The following DOCK4 variants were observed in gnomAD, a reference collection of about 807,000 sequenced individuals.
DOCK4 encodes dedicator of cytokinesis 4.
A neutral mutation model predicts 268.1 loss-of-function variants in DOCK4; 97 were observed. That is an observed-to-expected ratio of 0.36 (90% CI 0.31 to 0.43). The LOEUF (loss-of-function observed/expected upper bound fraction) is 0.43. Ranked by LOEUF, DOCK4 falls within the 20% of genes least tolerant of loss-of-function variation. The probability of loss-of-function intolerance (pLI) is 1.00; values close to 1 mark genes in which losing one functional copy is unlikely to be tolerated. For missense variants in DOCK4, 2,145 were observed against 2,455.7 expected, an observed-to-expected ratio of 0.87 and a Z score of 2.67; for synonymous variants, 954 against 887.2, an observed-to-expected ratio of 1.08 and a Z score of -1.34.
intron 16 of DOCK4, among the ~76,000 whole-genome samples, chr7:111,894,803 C>G (rs146505549): frequency 5.9e-5 from 9 of 152,248 alleles, no homozygotes; most frequent in African/African-American, 2.2e-4. Context: ...ATTCTCTCAG[C>G]AAGAAGCTTT....
intron 13 of DOCK4, among the ~76,000 whole-genome samples, chr7:111,909,963 A>AAAAAAAG (rs1261816874): frequency 1.3e-5 from 2 of 151,814 alleles, no homozygotes; most frequent in Admixed American, 1.3e-4. Flanking sequence ...CCCTGTTTAA[A>AAAAAAAG]AAAAAAGAAA....
chr7:112,048,568 A>G (rs557530316), intron 1 of DOCK4, among the ~76,000 whole-genome samples: 1 of 147,920 alleles, frequency 6.8e-6, no homozygotes, highest in African/African-American at 2.5e-5. Context: ...ATCTCAAAAA[A>G]ACAAAAAAAA....
At chr7:112,070,335 A>T (rs1807473193) in intron 1 of DOCK4, among the ~76,000 whole-genome samples, 1 of 152,226 alleles carries the variant, frequency 6.6e-6, no homozygotes, top group African/African-American at 2.4e-5. Flanking sequence ...TTAAGCAAGC[A>T]CATGAATGAT....
At chr7:112,066,994 A>G (rs1807130272) in intron 1 of DOCK4, among the ~76,000 whole-genome samples, 1 of 149,736 alleles carries the variant, frequency 6.7e-6, no homozygotes, top group African/African-American at 2.5e-5. Flanking sequence ...ACACACACAC[A>G]CAAAAAAACC....
intron 45 of DOCK4, 33 bp from the exon 46 acceptor site, chr7:111,741,694 A>G: frequency 6.2e-7 from 1 of 1,605,222 alleles, no homozygotes; most frequent in Non-Finnish European, 8.5e-7. Context: ...ATCTCATTAC[A>G]GTAATGATTT....
At chr7:111,909,584 A>T (rs575540622) in intron 13 of DOCK4, among the ~76,000 whole-genome samples, 2 of 152,264 alleles carry the variant, frequency 1.3e-5, no homozygotes, top group African/African-American at 4.8e-5. Context: ...AATAATACTT[A>T]TAAAATAAAC....
intron 8 of DOCK4, among the ~76,000 whole-genome samples, chr7:111,960,453 C>T (rs763951038): frequency 4.7e-5 from 7 of 147,698 alleles, no homozygotes; most frequent in East Asian, 2.0e-4. Flanking sequence ...TTTTGAAATA[C>T]GTATACATTG....
At chr7:112,119,849 CTT>C (rs573846927) in intron 1 of DOCK4, among the ~76,000 whole-genome samples, 3 of 142,254 alleles carry the variant, frequency 2.1e-5, no homozygotes, top group Non-Finnish European at 1.5e-5. Flanking sequence ...GGGTAGATGG[CTT>C]TTTTTTTTTT....
intron 16 of DOCK4, among the ~76,000 whole-genome samples, chr7:111,884,737 T>C (rs1182468422): frequency 6.6e-6 from 1 of 151,966 alleles, no homozygotes; most frequent in Non-Finnish European, 1.5e-5. Flanking sequence ...GAAGGGCAGG[T>C]GGGAGCAGAT....
chr7:111,837,685 T>C (rs1803335221), intron 25 of DOCK4, among the ~76,000 whole-genome samples: 2 of 152,142 alleles, frequency 1.3e-5, no homozygotes, highest in Admixed American at 1.3e-4. Context: ...ACAAAAGATG[T>C]ATAAAATCTG....
intron 20 of DOCK4, among the ~76,000 whole-genome samples, chr7:111,870,926 C>T (rs940004548): frequency 1.3e-5 from 2 of 152,082 alleles, no homozygotes; most frequent in East Asian, 1.9e-4. Context: ...CTGAGTGGGC[C>T]GATGTTTCAA....
intron 44 of DOCK4, among the ~76,000 whole-genome samples, chr7:111,743,529 G>A (rs562881980): frequency 4.3e-4 from 65 of 152,284 alleles, no homozygotes; most frequent in African/African-American, 1.5e-3. Flanking sequence ...ATGAGGACAT[G>A]GAAGGGATGT....
chr7:111,804,603 T>A (rs57125980), intron 30 of DOCK4, among the ~76,000 whole-genome samples: 11,034 of 151,912 alleles, frequency 0.073, 1,354 homozygotes, highest in African/African-American at 0.25. Context: ...TTATATTTAT[T>A]TTTATTTTTT....
At chr7:112,197,477 A>G (rs2116848918) in intron 1 of DOCK4, among the ~76,000 whole-genome samples, 1 of 152,318 alleles carries the variant, frequency 6.6e-6, no homozygotes, top group Admixed American at 6.5e-5. Flanking sequence ...AACGTGCACA[A>G]TCTGGCATGA....
At chr7:111,811,761 T>C in intron 28 of DOCK4, 113 bp downstream of exon 28, 1 of 676,356 alleles carries the variant, frequency 1.5e-6, no homozygotes, top group South Asian at 1.7e-5. Flanking sequence ...AAAACTGTTC[T>C]AATATTCCTC....
intron 1 of DOCK4, among the ~76,000 whole-genome samples, chr7:112,160,057 A>G (rs1816968737): frequency 6.6e-6 from 1 of 152,062 alleles, no homozygotes; most frequent in African/African-American, 2.4e-5. Flanking sequence ...TATAATGCAA[A>G]TATTTAAAAA....
chr7:111,983,997 C>A (rs577643037), intron 7 of DOCK4, among the ~76,000 whole-genome samples: 1 of 151,980 alleles, frequency 6.6e-6, no homozygotes, highest in Admixed American at 6.6e-5. Context: ...GATAAGTATG[C>A]GTGACTTGTA....
intron 11 of DOCK4, among the ~76,000 whole-genome samples, chr7:111,936,903 C>A (rs1164630901): frequency 6.6e-6 from 1 of 152,056 alleles, no homozygotes; most frequent in Non-Finnish European, 1.5e-5. Flanking sequence ...TAAATGAGCG[C>A]CGAATCTTAA....
intron 1 of DOCK4, 151 bp downstream of exon 1, chr7:112,205,951 G>T: frequency 2.4e-6 from 2 of 843,266 alleles, no homozygotes; most frequent in Non-Finnish European, 3.7e-6. Context: ...CCTCTGCCTG[G>T]AGCTGGCTCG....
Sources: allele counts gnomAD v4.1 joint callset (sites outside exome capture counted in the v4.1 genomes callset), GRCh38; gene constraint gnomAD v4.1.1; transcripts MANE v1.5; gene names NCBI Gene and HGNC (gene_info 2026-07-23, HGNC 2026-07-21).